INVS: variants seen among roughly 807,000 people sequenced by gnomAD.
INVS encodes inversin, also known as inversion of embryo turning homolog.
INVS carries 86 observed loss-of-function variants against 108.8 expected under a neutral mutation model. The ratio of observed to expected loss-of-function variants is 0.79; its 90% CI spans 0.66 to 0.95. The LOEUF is 0.95. Ranked by LOEUF, INVS falls within the 40% of genes least tolerant of loss-of-function variation. The probability of loss-of-function intolerance (pLI) is 0.00; values close to 1 mark genes in which losing one functional copy is unlikely to be tolerated. For synonymous variants in INVS, 455 were observed against 473.5 expected (o/e 0.96, Z 0.51); for missense variants, 1,169 against 1,297.4 (o/e 0.90, Z 1.52).
In INVS at chr9:100,297,063, C is replaced by T. The variant is rs794727147; in HGVS notation, c.2933C>T (p.Ala978Val). 1.2e-6 allele frequency: 2 copies of T among 1,614,058 alleles called. No homozygotes were observed. The highest frequency in any genetic ancestry group is 1.1e-5 in the South Asian group (1 of 91,080). The change falls in exon 15 of 17, where the codon GCA (alanine) becomes GTA (valine). Residue 978 changes from alanine (A) to valine (V), a missense_variant. Ala to Val is a moderately conservative substitution (Grantham distance 64). Around this residue, in one of 3 missense-constraint regions of INVS, gnomAD observed 533 missense variants for 536.0 expected, o/e 0.99. Transcript: ENST00000262457. ...GAACTAAAATTCCCCCAAACCACTGCAGTAAGCAAGGCCCCCAAGAGTCCA... is the reference window on the plus strand; with the variant it reads ...GAACTAAAATTCCCCCAAACCACTGTAGTAAGCAAGGCCCCCAAGAGTCCA... ...ELELKFPQTT[A>V]VSKAPKSPSK...
At chr9:100,115,473 G>C (rs1827485033) in intron 2 of INVS, among the ~76,000 whole-genome samples, 1 of 151,368 alleles carries the variant, frequency 6.6e-6, no homozygotes, top group East Asian at 1.9e-4. Context: ...CCCCACAACA[G>C]GCCCCAGTGT....
intron 13 of INVS, among the ~76,000 whole-genome samples, chr9:100,288,327 G>A (rs1833507715): frequency 6.6e-6 from 1 of 152,058 alleles, no homozygotes. Flanking sequence ...AGGATACTGG[G>A]GCCCCAGAGG....
chr9:100,250,187 A>AT (rs1832183694), intron 8 of INVS, among the ~76,000 whole-genome samples: 1 of 152,166 alleles, frequency 6.6e-6, no homozygotes. Flanking sequence ...TAGAAACTTA[A>AT]TTTTTTAAAA....
chr9:100,127,797 T>A (rs7025412), intron 3 of INVS, among the ~76,000 whole-genome samples: 29,010 of 151,958 alleles, frequency 0.19, 4,352 homozygotes, highest in African/African-American at 0.42. Context: ...GTAATTTTTT[T>A]AAAAATCTCC....
chr9:100,229,874 T>C, intron 5 of INVS, 47 bp downstream of exon 5: 2 of 1,553,726 alleles, frequency 1.3e-6, no homozygotes, highest in Non-Finnish European at 1.8e-6. Context: ...GAAATTTTTT[T>C]ATTATGAATT....
At chr9:100,152,178 T>C (rs1415987646) in intron 3 of INVS, among the ~76,000 whole-genome samples, 2 of 152,156 alleles carry the variant, frequency 1.3e-5, no homozygotes, top group Non-Finnish European at 2.9e-5. Flanking sequence ...CATGTTTTAT[T>C]TCTCCACAGA....
intron 3 of INVS, among the ~76,000 whole-genome samples, chr9:100,198,311 T>C (rs1362887468): frequency 5.3e-5 from 6 of 113,446 alleles, no homozygotes; most frequent in Non-Finnish European, 1.1e-4. Context: ...TTTTTTTTTT[T>C]TTTTGGAGAC....
chr9:100,126,552 G>A lies in INVS; in HGVS notation c.273+3G>A, dbSNP rs2118895764. ...CCCTCCATCTTGCAGCCCAGAAGGT[G>A]AGAAGTAAAATTTCCTTGAAGAGTA... On this transcript the variant is annotated splice_donor_region_variant and intron_variant, in intron 3 of 16. Coordinates refer to ENST00000262457, the MANE Select transcript of INVS (RefSeq NM_014425.5). 2 of 1,614,120 alleles carry A rather than the reference G, an allele frequency of 1.2e-6. No homozygotes were observed. Among genetic ancestry groups the A allele is most frequent in the Non-Finnish European group, 1.7e-6 (2 of 1,179,960 alleles).
At chr9:100,144,294 T>C (rs1273857121) in intron 3 of INVS, among the ~76,000 whole-genome samples, 1 of 152,122 alleles carries the variant, frequency 6.6e-6, no homozygotes, top group African/African-American at 2.4e-5. Context: ...TTTCTATTAT[T>C]GTACACCTTG....
intron 3 of INVS, among the ~76,000 whole-genome samples, chr9:100,171,389 T>A (rs1196967882): frequency 2.6e-5 from 4 of 152,166 alleles, no homozygotes; most frequent in African/African-American, 9.7e-5. Context: ...GTGTAATAAG[T>A]TATAACATCT....
At chr9:100,192,166 G>A (rs909109758) in intron 3 of INVS, among the ~76,000 whole-genome samples, 6 of 151,794 alleles carry the variant, frequency 4.0e-5, no homozygotes, top group African/African-American at 1.5e-4. Flanking sequence ...TTCACAGTAT[G>A]ACTCTCTACA....
chr9:100,292,151 G>T (rs1833637111), intron 13 of INVS, among the ~76,000 whole-genome samples, 175 bp from the exon 14 acceptor site: 1 of 152,104 alleles, frequency 6.6e-6, no homozygotes. Flanking sequence ...AGGGCTTCAG[G>T]TTATCTAACC....
At chr9:100,200,163 T>C (rs1471578549) in intron 3 of INVS, among the ~76,000 whole-genome samples, 3 of 152,240 alleles carry the variant, frequency 2.0e-5, no homozygotes, top group African/African-American at 7.2e-5. Context: ...AATTTTTCTC[T>C]GCTGAGATTC....
intron 4 of INVS, among the ~76,000 whole-genome samples, chr9:100,228,363 G>A (rs865827044): frequency 6.6e-6 from 1 of 152,120 alleles, no homozygotes; most frequent in South Asian, 2.1e-4. Context: ...TTTTCAAAAT[G>A]TATCTTTTCA....
intron 1 of INVS, among the ~76,000 whole-genome samples, chr9:100,102,397 G>GA (rs1827024860): frequency 6.6e-6 from 1 of 152,142 alleles, no homozygotes; most frequent in Non-Finnish European, 1.5e-5. Context: ...TGTCCTTATT[G>GA]AAATATGGTT....
intron 3 of INVS, among the ~76,000 whole-genome samples, chr9:100,149,095 TTTAG>T (rs1340737117): frequency 6.6e-6 from 1 of 152,068 alleles, no homozygotes; most frequent in African/African-American, 2.4e-5. Context: ...TACCTTTTGC[TTTAG>T]TTAGTTAAAC....
At chr9:100,294,456 A>G (rs1348298237) in intron 14 of INVS, among the ~76,000 whole-genome samples, 1 of 152,114 alleles carries the variant, frequency 6.6e-6, no homozygotes, top group Non-Finnish European at 1.5e-5. Flanking sequence ...TGTTCTCCCT[A>G]TGTCTGTTTC....
chr9:100,241,302 A>G (rs558498613), intron 6 of INVS, among the ~76,000 whole-genome samples: 11 of 152,118 alleles, frequency 7.2e-5, no homozygotes, highest in Admixed American at 3.3e-4. Flanking sequence ...TTTTTGTTCT[A>G]TAAGTTTTGC....
intron 11 of INVS, among the ~76,000 whole-genome samples, chr9:100,269,724 T>C (rs1354568757): frequency 6.6e-6 from 1 of 152,244 alleles, no homozygotes; most frequent in Admixed American, 6.5e-5. Flanking sequence ...TCTGATGTTT[T>C]TTCCTAAGAC....
Sources: gnomAD v4.1 joint callset for allele counts (sites outside exome capture counted in the v4.1 genomes callset) on GRCh38, gnomAD v4.1.1 for gene constraint, gnomAD v4.1.1 regional missense constraint, MANE v1.5 for transcripts, NCBI Gene and HGNC (gene_info 2026-07-23, HGNC 2026-07-21) for gene names.